Variants in KCNQ1 observed in about 807,000 individuals in gnomAD.
KCNQ1 encodes potassium voltage-gated channel subfamily KQT member 1.
Under a neutral mutation model 72.4 loss-of-function variants are expected in KCNQ1, and 49 were observed. That is an observed-to-expected ratio of 0.68 (90% CI 0.54 to 0.86). The LOEUF (loss-of-function observed/expected upper bound fraction) is 0.86. Among genes scored for constraint, KCNQ1 ranks in the 40% least tolerant of loss-of-function variants. The pLI is 0.00. For missense variants in KCNQ1, 790 were observed against 945.1 expected, an observed-to-expected ratio of 0.84 and a Z score of 2.15; for synonymous variants, 450 against 412.6, an observed-to-expected ratio of 1.09 and a Z score of -1.10.
At chr11:2,775,877 G>A in intron 12 of KCNQ1, 83 bp from the exon 13 acceptor site, 1 of 1,364,806 alleles carries the variant, frequency 7.3e-7, no homozygotes, top group Non-Finnish European at 1.0e-6. Context: ...CCTCCCGAGG[G>A]CAGACACTGT....
rs1846504569 is a variant in KCNQ1 at position 2,766,706 on chromosome 11, A to G, written c.1515-2138A>G. ...TTCTCACCCAATTACATGTGGCATC[A>G]TGCTCAAAGTCCGACATCTTGTGAT... On this transcript the variant is annotated intron_variant, in intron 11 of 15. Transcript: ENST00000155840. The surrounding 1 kb of genome is among the most constrained non-coding windows in gnomAD (Gnocchi z 4.4). Among the ~76,000 whole-genome samples, 1 of 152,200 alleles carries G rather than the reference A, an allele frequency of 6.6e-6. No homozygotes were observed. Among genetic ancestry groups the G allele is most frequent in the African/African-American group, 2.4e-5 (1 of 41,446 alleles).
Position 2,477,069 on chromosome 11 carries a change from A to G in KCNQ1, c.386+31585A>G, listed in dbSNP as rs1401968778. Among the ~76,000 whole-genome samples the G allele has an allele frequency of 1.3e-5, 2 of 152,194 alleles. No individual in the cohort carries two copies. The highest frequency in any genetic ancestry group is 4.8e-5 in the African/African-American group (2 of 41,426). On this transcript the variant is annotated intron_variant, in intron 1 of 15. Transcript: ENST00000155840. This position sits in a 1 kb window ranked among gnomAD's most constrained non-coding sequence, Gnocchi z 5.0. ...GTTGTGAGATGGCTTATTCTTTGGG[A>G]AAAAATGTTAAGTCAAAATTAGGAA...
At position 2,482,260 on chromosome 11, in the gene KCNQ1, TGA is replaced by T. The variant is rs560022070; in HGVS notation, c.386+36780_386+36781del. On this transcript the variant is annotated intron_variant, in intron 1 of 15. Transcript: ENST00000155840. The surrounding 1 kb of genome is among the most constrained non-coding windows in gnomAD (Gnocchi z 5.7). ...TGTCTGTGCAAATACTTGGTAAAAT[TGA>T]GAGGGTACTAGACAACTCATTTGTA... 1.1e-3 allele frequency among the ~76,000 whole-genome samples: 160 copies of T among 152,252 alleles called. No homozygotes were observed. Among genetic ancestry groups the T allele is most frequent in the African/African-American group, 3.5e-3 (147 of 41,550 alleles).
At position 2,473,183 on chromosome 11, in the gene KCNQ1, C is replaced by T. The variant is rs1047191901; in HGVS notation, c.386+27699C>T. ...GCCTGTGGCTGAGGAGAGGCCAGGACGGGCCAAGGAGAGCAGGCAAGAGAA... is the reference window on the plus strand; with the variant it reads ...GCCTGTGGCTGAGGAGAGGCCAGGATGGGCCAAGGAGAGCAGGCAAGAGAA... On this transcript the variant is annotated intron_variant, in intron 1 of 15. Coordinates refer to ENST00000155840, the MANE Select transcript of KCNQ1 (RefSeq NM_000218.3). This position sits in a 1 kb window ranked among gnomAD's most constrained non-coding sequence, Gnocchi z 6.0. 1.3e-5 allele frequency among the ~76,000 whole-genome samples: 2 copies of T among 151,994 alleles called. No individual in the cohort carries two copies. Among genetic ancestry groups the T allele is most frequent in the Non-Finnish European group, 2.9e-5 (2 of 67,998 alleles).
At chr11:2,791,595 G>A (rs1847023647) in intron 15 of KCNQ1, among the ~76,000 whole-genome samples, 1 of 152,186 alleles carries the variant, frequency 6.6e-6, no homozygotes, top group Non-Finnish European at 1.5e-5. Flanking sequence ...CGCGGGCGGG[G>A]AAGGAAGGAC....
intron 10 of KCNQ1, among the ~76,000 whole-genome samples, chr11:2,589,855 C>CCCTATAGGACGG (rs1484182039): frequency 6.6e-6 from 1 of 152,214 alleles, no homozygotes; most frequent in Non-Finnish European, 1.5e-5. Context: ...ATGCATCCGT[C>CCCTATAGGACGG]ATCTCGGGAC....
At position 2,663,558 on chromosome 11, in the gene KCNQ1, C is replaced by T. The variant is rs530282543; in HGVS notation, c.1514+1477C>T. The T allele has an allele frequency of 2.5e-6, 1 of 398,658 alleles. No individual in the cohort carries two copies. The highest frequency in any genetic ancestry group is 1.3e-4 in the South Asian group (1 of 7,830). The allele number at this position is 398,658 out of a possible 1,614,324, so 24.7% of individuals were successfully genotyped here. On this transcript the variant is annotated intron_variant, in intron 11 of 15. Coordinates refer to ENST00000155840, the MANE Select transcript of KCNQ1 (RefSeq NM_000218.3). This position sits in a 1 kb window ranked among gnomAD's most constrained non-coding sequence, Gnocchi z 5.2. The stretch of plus-strand genomic sequence containing the variant: ...GAGGGGACTGTCCCTTCTCATCCTT[C>T]TGGCTGCTTGCTTCTCCTGTTGGAG...
At chr11:2,740,135 A>G (rs1846027108) in intron 11 of KCNQ1, among the ~76,000 whole-genome samples, 1 of 151,834 alleles carries the variant, frequency 6.6e-6, no homozygotes, top group Admixed American at 6.5e-5. Flanking sequence ...CTCTCAAACC[A>G]TGAGAAACGT....
intron 11 of KCNQ1, chr11:2,699,653 G>A (rs1490998498): frequency 2.8e-5 from 10 of 358,254 alleles, no homozygotes; most frequent in Admixed American, 4.7e-5. Context: ...CAACCGCGCC[G>A]AAGAACCCCC....
At position 2,671,771 on chromosome 11, in the gene KCNQ1, A is replaced by C. The variant is rs1850187626; in HGVS notation, c.1514+9690A>C. The C allele has an allele frequency of 2.5e-6, 1 of 398,562 alleles. No individual in the cohort carries two copies. The highest frequency in any genetic ancestry group is 4.4e-6 in the Non-Finnish European group (1 of 226,134). 24.7% of individuals were successfully genotyped at this position (398,562 alleles called of 1,614,324 possible). ...TACATACACATACATGCATGCACAT[A>C]ATCATTCTGACCCAGTCAGGGTTCT... On this transcript the variant is annotated intron_variant, in intron 11 of 15. Coordinates refer to ENST00000155840, the MANE Select transcript of KCNQ1 (RefSeq NM_000218.3). The surrounding 1 kb of genome is among the most constrained non-coding windows in gnomAD (Gnocchi z 4.7).
At chr11:2,530,715 G>T (rs539725060) in intron 2 of KCNQ1, among the ~76,000 whole-genome samples, 3 of 152,206 alleles carry the variant, frequency 2.0e-5, no homozygotes, top group Non-Finnish European at 4.4e-5. Context: ...GTGTGCACAT[G>T]TGTATCTGAG....
rs75736196 is a variant in KCNQ1 at position 2,449,614 on chromosome 11, A to G, written c.386+4130A>G. On this transcript the variant is annotated intron_variant, in intron 1 of 15. Transcript: ENST00000155840. Reference sequence around the variant, plus strand: ...GGGTGAACAGCTCCAAACCCACCCTATGTGTGCTCCAGAGCTGGAAACAGG... The same window carrying G: ...GGGTGAACAGCTCCAAACCCACCCTGTGTGTGCTCCAGAGCTGGAAACAGG... 9.2e-5 allele frequency among the ~76,000 whole-genome samples: 14 copies of G among 152,188 alleles called. No individual in the cohort carries two copies. The East Asian group carries it at 2.7e-3, about 30-fold the overall frequency.
At chr11:2,582,732 A>G (rs900312802) in intron 6 of KCNQ1, among the ~76,000 whole-genome samples, 2 of 152,050 alleles carry the variant, frequency 1.3e-5, no homozygotes, top group Admixed American at 1.3e-4. Flanking sequence ...CTCCTGAAGA[A>G]CCCAGCAGGC....
chr11:2,649,650 G>A (rs1849727654), intron 10 of KCNQ1: 1 of 398,424 alleles, frequency 2.5e-6, no homozygotes, highest in Admixed American at 4.4e-5. Context: ...TGGCCTAGAA[G>A]GTTTCTGCTG....
intron 2 of KCNQ1, among the ~76,000 whole-genome samples, chr11:2,535,794 G>A (rs915988473): frequency 1.3e-5 from 2 of 152,238 alleles, no homozygotes; most frequent in Non-Finnish European, 2.9e-5. Flanking sequence ...TTCTGAGGCC[G>A]CTTTGCTGGG....
rs179489 is a variant in KCNQ1, at chr11:2,570,652, G to C, written c.502G>C (p.Gly168Arg). 6.2e-7 allele frequency: 1 copy of C among 1,612,626 alleles called. No individual in the cohort carries two copies. The highest frequency in any genetic ancestry group is 8.5e-7 in the Non-Finnish European group (1 of 1,179,934). ...WMEIVLVVFFGTEYVVRLWSA... is the reference protein window; with the variant it reads ...WMEIVLVVFFRTEYVVRLWSA... The stretch of plus-strand genomic sequence containing the variant: ...GGAGATCGTGCTGGTGGTGTTCTTC[G>C]GGACGGAGTACGTGGTCCGCCTCTG... The change falls in exon 3 of 16, where the codon GGG becomes CGG. Residue 168 changes from glycine to arginine, a missense_variant. Gly to Arg is a moderately radical substitution (Grantham distance 125). Transcript: ENST00000155840.
In KCNQ1 at chr11:2,450,359, C is replaced by T. The variant is rs910443960; in HGVS notation, c.386+4875C>T. Among the ~76,000 whole-genome samples the T allele has an allele frequency of 5.3e-5, 8 of 152,086 alleles. No individual in the cohort carries two copies. The highest frequency in any genetic ancestry group is 7.4e-5 in the Non-Finnish European group (5 of 68,014). On this transcript the variant is annotated intron_variant, in intron 1 of 15. Transcript: ENST00000155840. This position sits in a 1 kb window ranked among gnomAD's most constrained non-coding sequence, Gnocchi z 7.9. ...GTGCTGGGAGAGCATGGTGTCGGCC[C>T]GGGGAGATGCCGCAGAGAAGCTTCC...
In KCNQ1 at chr11:2,468,103, C is replaced by T. The variant is rs1846379624; in HGVS notation, c.386+22619C>T. ...GTGCCCGGAAAATGCACTGTCTCTC[C>T]TGGGCTCCCAACCTTTCACAGGCCA... is the stretch of plus-strand genomic sequence containing the variant. On this transcript the variant is annotated intron_variant, in intron 1 of 15. Coordinates refer to ENST00000155840, the MANE Select transcript of KCNQ1 (RefSeq NM_000218.3). The surrounding 1 kb of genome is among the most constrained non-coding windows in gnomAD (Gnocchi z 5.7). 1.3e-5 allele frequency among the ~76,000 whole-genome samples: 2 copies of T among 152,250 alleles called. No homozygotes were observed. The highest frequency in any genetic ancestry group is 4.1e-4 in the South Asian group (2 of 4,834).
rs1421851462 is a variant in KCNQ1 at position 2,497,739 on chromosome 11, A to T, written c.387-30189A>T. ...GAGGAGATGTGATCATTTGGAGGAGAAGAGGCATTCTGGTTTTTAGAATGT... is the reference window on the plus strand; with the variant it reads ...GAGGAGATGTGATCATTTGGAGGAGTAGAGGCATTCTGGTTTTTAGAATGT... On this transcript the variant is annotated intron_variant, in intron 1 of 15. Coordinates refer to ENST00000155840, the MANE Select transcript of KCNQ1 (RefSeq NM_000218.3). The surrounding 1 kb of genome is among the most constrained non-coding windows in gnomAD (Gnocchi z 4.5). 6.6e-6 allele frequency among the ~76,000 whole-genome samples: 1 copy of T among 152,126 alleles called. No homozygotes were observed. Among genetic ancestry groups the T allele is most frequent in the East Asian group, 1.9e-4 (1 of 5,186 alleles).
Sources: gnomAD v4.1 joint callset for allele counts (sites outside exome capture counted in the v4.1 genomes callset) on GRCh38, gnomAD v4.1.1 for gene constraint, Gnocchi (gnomAD v3.1) non-coding constraint, MANE v1.5 for transcripts, NCBI Gene and HGNC (gene_info 2026-07-23, HGNC 2026-07-21) for gene names.